The following CYP7B1 variants were observed in gnomAD, a reference collection of about 807,000 sequenced individuals.
The protein encoded by CYP7B1 is cytochrome P450 family 7 subfamily B member 1, also known as cytochrome P450 7B1.
A neutral mutation model predicts 42.7 loss-of-function variants in CYP7B1; 29 were observed. The ratio of observed to expected loss-of-function variants is 0.68; its 90% CI spans 0.51 to 0.93. The LOEUF is 0.93. Among genes scored for constraint, CYP7B1 ranks in the 40% least tolerant of loss-of-function variants. The probability of loss-of-function intolerance (pLI) is 0.00; values close to 1 mark genes in which losing one functional copy is unlikely to be tolerated. For synonymous variants in CYP7B1, 235 were observed against 218.2 expected (o/e 1.08, Z -0.68); for missense variants, 655 against 600.5 (o/e 1.09, Z -0.95).
intron 1 of CYP7B1, among the ~76,000 whole-genome samples, chr8:64,657,571 C>T (rs1214463202): frequency 6.6e-6 from 1 of 152,184 alleles, no homozygotes; most frequent in Non-Finnish European, 1.5e-5. Flanking sequence ...ATGCCCAGCA[C>T]TTGTCACATT....
intron 1 of CYP7B1, among the ~76,000 whole-genome samples, chr8:64,719,715 T>C (rs1585875509): frequency 1.3e-5 from 2 of 152,204 alleles, no homozygotes; most frequent in East Asian, 1.9e-4. Context: ...TGCGTCTTCA[T>C]TGGGTAAGAC....
chr8:64,607,802 T>C (rs1242751522), intron 4 of CYP7B1, among the ~76,000 whole-genome samples: 1 of 152,234 alleles, frequency 6.6e-6, no homozygotes, highest in Non-Finnish European at 1.5e-5. Flanking sequence ...ACTTATTGTG[T>C]ATAATGGATT....
chr8:64,712,627 TCTC>T (rs918887478), intron 1 of CYP7B1, among the ~76,000 whole-genome samples: 9 of 151,702 alleles, frequency 5.9e-5, no homozygotes, highest in Admixed American at 2.0e-4. Flanking sequence ...GATATATTTT[TCTC>T]CTCATTTATA....
intron 1 of CYP7B1, among the ~76,000 whole-genome samples, chr8:64,783,533 C>A (rs1804467249): frequency 6.7e-6 from 1 of 148,796 alleles, no homozygotes; most frequent in Admixed American, 6.7e-5. Flanking sequence ...AGAAAAAATT[C>A]CATACTACTT....
Position 64,798,520 on chromosome 8 carries a change from G to C in CYP7B1, c.68C>G (p.Ala23Gly), listed in dbSNP as rs1804748190. Reference protein sequence around the residue: ...SLERLGLPGLALAAALLLLAL... With the variant: ...SLERLGLPGLGLAAALLLLAL... ...CAGGAGCAGCAGGGCCGCGGCGAGG[G>C]CCAGGCCCGGGAGGCCCAACCGCTC... Residue 23 changes from alanine to glycine, a missense_variant, in exon 1 of 6, where the codon GCC (alanine) becomes GGC (glycine). By Grantham distance (60) the Ala-to-Gly change is moderately conservative. Coordinates refer to ENST00000310193, the MANE Select transcript of CYP7B1 (RefSeq NM_004820.5). 1.3e-6 allele frequency: 2 copies of C among 1,504,396 alleles called. No individual in the cohort carries two copies. Among genetic ancestry groups the C allele is most frequent in the East Asian group, 5.4e-5 (2 of 36,826 alleles). 93.2% of individuals were successfully genotyped at this position (1,504,396 alleles called of 1,614,324 possible).
At chr8:64,696,775 C>A (rs1018586753) in intron 1 of CYP7B1, among the ~76,000 whole-genome samples, 1 of 152,010 alleles carries the variant, frequency 6.6e-6, no homozygotes, top group African/African-American at 2.4e-5. Flanking sequence ...TTCTGAAGCA[C>A]TGGTTAACTG....
chr8:64,623,648 C>A (rs1414681110), intron 2 of CYP7B1, among the ~76,000 whole-genome samples: 1 of 152,132 alleles, frequency 6.6e-6, no homozygotes, highest in Non-Finnish European at 1.5e-5. Flanking sequence ...AGCAATTCTG[C>A]TGTTTTTTTC....
At chr8:64,757,547 G>T (rs1264804753) in intron 1 of CYP7B1, among the ~76,000 whole-genome samples, 4 of 152,164 alleles carry the variant, frequency 2.6e-5, no homozygotes. Context: ...GCCTACAGTA[G>T]CTACAGAGAT....
chr8:64,726,177 A>T lies in CYP7B1; in HGVS notation c.122+72289T>A, dbSNP rs1238508702. ...ACCTTCTTCTACCCCTCTGATCTTT[A>T]AAAAAAAATGCCCTCAATTGTTTCT... On this transcript the variant is annotated intron_variant, in intron 1 of 5. Transcript: ENST00000310193. Among the ~76,000 whole-genome samples the T allele has an allele frequency of 3.3e-5, 5 of 151,020 alleles. No individual in the cohort carries two copies. In the Admixed American group the frequency reaches 3.3e-4, roughly 10 times the overall value.
chr8:64,797,284 C>T (rs540441250), intron 1 of CYP7B1, among the ~76,000 whole-genome samples: 1 of 152,280 alleles, frequency 6.6e-6, no homozygotes, highest in South Asian at 2.1e-4. Context: ...ATAGAACCAA[C>T]AGCCTTCTTT....
intron 4 of CYP7B1, among the ~76,000 whole-genome samples, chr8:64,607,398 T>TAAAAAAAAAAA (rs5891968): frequency 6.9e-6 from 1 of 143,958 alleles, no homozygotes; most frequent in Non-Finnish European, 1.5e-5. Context: ...GCTCTAGAAT[T>TAAAAAAAAAAA]AAAAAAAAAA....
At chr8:64,706,820 A>G (rs1018112622) in intron 1 of CYP7B1, among the ~76,000 whole-genome samples, 3 of 152,014 alleles carry the variant, frequency 2.0e-5, no homozygotes, top group African/African-American at 7.2e-5. Context: ...TGGTACAATA[A>G]TAGTGACATT....
chr8:64,622,841 C>T (rs9298086), intron 2 of CYP7B1, among the ~76,000 whole-genome samples: 10,003 of 151,988 alleles, frequency 0.066, 402 homozygotes, highest in South Asian at 0.16. Flanking sequence ...CATTGAGAAA[C>T]GTAGGTACAT....
intron 1 of CYP7B1, among the ~76,000 whole-genome samples, chr8:64,769,273 T>C (rs370170790): frequency 1.3e-3 from 196 of 152,306 alleles, no homozygotes; most frequent in Middle Eastern, 6.8e-3. Flanking sequence ...ACACAAATAT[T>C]TGAATCTCTA....
chr8:64,760,011 A>C (rs1452377655), intron 1 of CYP7B1, among the ~76,000 whole-genome samples: 2 of 152,188 alleles, frequency 1.3e-5, no homozygotes, highest in Non-Finnish European at 2.9e-5. Flanking sequence ...AGATTTTTGA[A>C]GTAATAATTC....
intron 1 of CYP7B1, among the ~76,000 whole-genome samples, chr8:64,764,229 G>GCCCC (rs59605103): frequency 8.0e-6 from 1 of 125,150 alleles, no homozygotes; most frequent in Non-Finnish European, 1.7e-5. Flanking sequence ...CTTCCACGCT[G>GCCCC]CCCCCCCCAC....
chr8:64,751,839 C>T (rs1192794034), intron 1 of CYP7B1, among the ~76,000 whole-genome samples: 9 of 152,044 alleles, frequency 5.9e-5, no homozygotes, highest in Admixed American at 2.0e-4. Flanking sequence ...TTCAACAGAC[C>T]GTAAACCTGG....
intron 1 of CYP7B1, among the ~76,000 whole-genome samples, chr8:64,738,432 T>C (rs1807521845): frequency 6.6e-6 from 1 of 152,112 alleles, no homozygotes; most frequent in African/African-American, 2.4e-5. Flanking sequence ...GTTCACAGAA[T>C]CGTTGGCAAA....
At chr8:64,746,203 G>A (rs934329602) in intron 1 of CYP7B1, among the ~76,000 whole-genome samples, 1 of 152,042 alleles carries the variant, frequency 6.6e-6, no homozygotes, top group African/African-American at 2.4e-5. Flanking sequence ...TTCATGTATG[G>A]TATGGGTAGT....
Sources: allele counts gnomAD v4.1 joint callset (sites outside exome capture counted in the v4.1 genomes callset), GRCh38; gene constraint gnomAD v4.1.1; transcripts MANE v1.5; gene names NCBI Gene and HGNC (gene_info 2026-07-23, HGNC 2026-07-21).